The following FRY variants were observed in gnomAD, a reference collection of about 807,000 sequenced individuals.
The protein encoded by FRY is FRY microtubule binding protein.
FRY carries 128 observed loss-of-function variants against 348.4 expected under a neutral mutation model. The observed-to-expected ratio is 0.37, with a 90% CI of 0.32 to 0.43. The LOEUF (loss-of-function observed/expected upper bound fraction) is 0.43. Among genes scored for constraint, FRY ranks in the 20% least tolerant of loss-of-function variants. The pLI is 1.00. For synonymous variants in FRY, 1,370 were observed against 1,374.7 expected (o/e 1.00, Z 0.08); for missense variants, 2,736 against 3,695.2 (o/e 0.74, Z 6.73).
intron 12 of FRY, 76 bp from the exon 13 acceptor site, chr13:32,147,763 A>G: frequency 1.2e-6 from 1 of 835,452 alleles, no homozygotes; most frequent in South Asian, 1.3e-5. Context: ...ATAAGATGAA[A>G]TATCTGCCAT....
chr13:32,209,912 T>C (rs1884588963), intron 33 of FRY, among the ~76,000 whole-genome samples, 181 bp downstream of exon 33: 1 of 152,222 alleles, frequency 6.6e-6, no homozygotes, highest in Non-Finnish European at 1.5e-5. Context: ...AGACACAGGC[T>C]ATGTGTGCTA....
intron 51 of FRY, chr13:32,258,071 A>G: frequency 1.1e-6 from 1 of 907,876 alleles, no homozygotes. Context: ...CTTCCAGAAT[A>G]TATATGCTTA....
chr13:32,061,020 G>A (rs529925734), intron 1 of FRY: 3 of 493,902 alleles, frequency 6.1e-6, no homozygotes, highest in South Asian at 4.5e-5. Flanking sequence ...CAGGACCATG[G>A]AGCCCATCAT....
chr13:32,243,899 C>T (rs1288014655), intron 46 of FRY, 143 bp from the exon 47 acceptor site: 2 of 855,250 alleles, frequency 2.3e-6, no homozygotes, highest in Non-Finnish European at 3.7e-6. Flanking sequence ...CGAGACTAGG[C>T]TGGGCAACAT....
chr13:32,096,802 CAA>C (rs10680393), intron 2 of FRY, among the ~76,000 whole-genome samples: 890 of 77,544 alleles, frequency 0.011, 3 homozygotes, highest in Non-Finnish European at 0.015. Context: ...GACTCTGTCT[CAA>C]AAAAAAAAAA....
chr13:32,160,156 T>C (rs1354210895), intron 16 of FRY, among the ~76,000 whole-genome samples: 1 of 152,232 alleles, frequency 6.6e-6, no homozygotes, highest in African/African-American at 2.4e-5. Context: ...ACACAGAGGA[T>C]TGATTCTGCT....
chr13:32,282,312 G>A (rs1023766254), intron 58 of FRY, among the ~76,000 whole-genome samples: 1 of 152,130 alleles, frequency 6.6e-6, no homozygotes, highest in Non-Finnish European at 1.5e-5. Context: ...ACCCTTGCCT[G>A]GGGACAGGTA....
intron 23 of FRY, among the ~76,000 whole-genome samples, chr13:32,181,461 G>T (rs915818824): frequency 6.6e-6 from 1 of 150,848 alleles, no homozygotes; most frequent in Non-Finnish European, 1.5e-5. Context: ...AGGCGTGATG[G>T]TGTGCACCTG....
chr13:32,171,292 T>C (rs1566109459), intron 18 of FRY, 22 bp downstream of exon 18: 1 of 1,235,582 alleles, frequency 8.1e-7, no homozygotes, highest in Non-Finnish European at 1.1e-6. Context: ...ACCTTACCCA[T>C]GAATTTATAT....
chr13:32,187,422 A>G, intron 27 of FRY, 124 bp from the exon 28 acceptor site: 1 of 697,314 alleles, frequency 1.4e-6, no homozygotes, highest in Non-Finnish European at 2.6e-6. Context: ...ATCATGGGGA[A>G]ATAAGTGTCT....
At chr13:32,090,528 A>G (rs1876227274) in intron 2 of FRY, among the ~76,000 whole-genome samples, 1 of 152,086 alleles carries the variant, frequency 6.6e-6, no homozygotes, top group Admixed American at 6.5e-5. Flanking sequence ...CCTGAAGGAG[A>G]TAGGAAAAGA....
chr13:32,268,058 T>G (rs150971342), intron 55 of FRY, among the ~76,000 whole-genome samples: 2 of 152,254 alleles, frequency 1.3e-5, no homozygotes, highest in Non-Finnish European at 2.9e-5. Flanking sequence ...GCAGGTGGGA[T>G]TCCAACCCCA....
chr13:32,109,130 A>G (rs1877776139), intron 3 of FRY, among the ~76,000 whole-genome samples: 1 of 152,170 alleles, frequency 6.6e-6, no homozygotes. Context: ...ATAAGAAAGG[A>G]CGATTATAAG....
intron 60 of FRY, among the ~76,000 whole-genome samples, chr13:32,294,862 C>T (rs190263658): frequency 6.6e-6 from 1 of 152,160 alleles, no homozygotes; most frequent in East Asian, 1.9e-4. Context: ...TTTGGTTTTG[C>T]CCCTACATTC....
At chr13:32,266,840 T>C (rs939281411) in intron 54 of FRY, among the ~76,000 whole-genome samples, 1 of 152,166 alleles carries the variant, frequency 6.6e-6, no homozygotes, top group Non-Finnish European at 1.5e-5. Flanking sequence ...AAATATTTGC[T>C]GGGCATGGTA....
At chr13:32,207,658 A>G (rs753223133) in intron 31 of FRY, among the ~76,000 whole-genome samples, 2 of 152,230 alleles carry the variant, frequency 1.3e-5, no homozygotes, top group Non-Finnish European at 2.9e-5. Context: ...TTTGACCTAT[A>G]TGAAACATAA....
At chr13:32,253,872 T>C (rs1887205373) in intron 50 of FRY, among the ~76,000 whole-genome samples, 1 of 152,222 alleles carries the variant, frequency 6.6e-6, no homozygotes, top group Non-Finnish European at 1.5e-5. Flanking sequence ...TAAACATGTA[T>C]AATTTCTAAC....
chr13:32,192,458 G>A (rs570677597), intron 28 of FRY, among the ~76,000 whole-genome samples: 11 of 152,012 alleles, frequency 7.2e-5, no homozygotes, highest in East Asian at 1.9e-4. Flanking sequence ...GACTACAGGC[G>A]CCCGCCACCA....
chr13:32,262,473 A>G lies in FRY; in HGVS notation c.7777A>G (p.Lys2593Glu). 6.2e-7 allele frequency: 1 copy of G among 1,611,314 alleles called. No individual in the cohort carries two copies. Among genetic ancestry groups the G allele is most frequent in the Non-Finnish European group, 8.5e-7 (1 of 1,177,434 alleles). ...TAATCTGCAGATTTCTGAGGGTTCA[A>G]AGGTGAAGAGATTTTAACAATGATG... is the stretch of plus-strand genomic sequence containing the variant. ...MNNLQISEGS[K>E]AEAVREEEDT... is the part of the protein sequence containing the mutation. Residue 2593 changes from lysine to glutamate, a missense_variant and splice_region_variant, in exon 53 of 61, where the codon AAG becomes GAG. Lys to Glu is a moderately conservative substitution (Grantham distance 56). This residue lies in a region of FRY where 789 missense variants were observed against 996.2 expected (regional missense o/e 0.79). Coordinates refer to ENST00000542859, the MANE Select transcript of FRY (RefSeq NM_023037.3).
Sources: gnomAD v4.1 joint callset for allele counts (sites outside exome capture counted in the v4.1 genomes callset) on GRCh38, gnomAD v4.1.1 for gene constraint, gnomAD v4.1.1 regional missense constraint, MANE v1.5 for transcripts, NCBI Gene and HGNC (gene_info 2026-07-23, HGNC 2026-07-21) for gene names.